Variants in TTLL9 observed in about 807,000 individuals in gnomAD.
TTLL9 encodes the protein probable tubulin polyglutamylase TTLL9.
TTLL9 carries 47 observed loss-of-function variants against 65.6 expected under a neutral mutation model. That is an observed-to-expected ratio of 0.72 (90% CI 0.57 to 0.91). The LOEUF (loss-of-function observed/expected upper bound fraction) is 0.91. TTLL9 is among the 40% of genes least tolerant of loss of function. The probability of loss-of-function intolerance (pLI) is 0.00; values close to 1 mark genes in which losing one functional copy is unlikely to be tolerated. For missense variants in TTLL9, 537 were observed against 568.8 expected (o/e 0.94, Z 0.57); for synonymous variants, 179 against 204.8 (o/e 0.87, Z 1.07).
intron 2 of TTLL9, among the ~76,000 whole-genome samples, chr20:31,885,423 A>G (rs1319780634): frequency 6.6e-6 from 1 of 152,230 alleles, no homozygotes; most frequent in Non-Finnish European, 1.5e-5. Flanking sequence ...TGCCAATGCA[A>G]TTCAATGAGG....
At chr20:31,885,596 G>T (rs1180518337) in intron 2 of TTLL9, among the ~76,000 whole-genome samples, 1 of 152,170 alleles carries the variant, frequency 6.6e-6, no homozygotes, top group African/African-American at 2.4e-5. Context: ...AATGAAACAA[G>T]ATTTCACTGT....
chr20:31,886,234 A>C (rs2063185652), intron 2 of TTLL9, among the ~76,000 whole-genome samples: 1 of 152,180 alleles, frequency 6.6e-6, no homozygotes, highest in Non-Finnish European at 1.5e-5. Context: ...TTTTGTGGTA[A>C]TTTGTTACCC....
intron 14 of TTLL9, chr20:31,940,907 G>C (rs2064193807): frequency 6.6e-6 from 1 of 152,148 alleles, no homozygotes; most frequent in African/African-American, 2.4e-5. Flanking sequence ...GTGTAGCCCA[G>C]TCACTGGGTA....
intron 9 of TTLL9, among the ~76,000 whole-genome samples, 176 bp downstream of exon 9, chr20:31,925,225 G>A (rs1268766953): frequency 1.3e-5 from 2 of 152,194 alleles, no homozygotes; most frequent in Admixed American, 1.3e-4. Context: ...CTTATCTGAG[G>A]TTTACCATCT....
chr20:31,873,684 G>GAGAAAGAAAGAAAGAAAGAA (rs143514524), intron 2 of TTLL9, among the ~76,000 whole-genome samples: 1 of 100,584 alleles, frequency 9.9e-6, no homozygotes, highest in East Asian at 2.7e-4. Context: ...AAGAGAGAGA[G>GAGAAAGAAAGAAAGAAAGAA]AGAAAGAAAG....
At position 31,895,491 on chromosome 20, in the gene TTLL9, T is replaced by C. The variant is rs1054971072; in HGVS notation, c.114-2982T>C. ...TTCTTATTATCTGGCAAATCATGCATGAGACTCCTCCCTTCATGACCTTTC... is the reference window on the plus strand; with the variant it reads ...TTCTTATTATCTGGCAAATCATGCACGAGACTCCTCCCTTCATGACCTTTC... On this transcript the variant is annotated intron_variant, in intron 3 of 14. Transcript: ENST00000535842. Among the ~76,000 whole-genome samples, 8 of 152,344 alleles carry C rather than the reference T, an allele frequency of 5.3e-5. No homozygotes were observed. In the South Asian group the frequency reaches 6.2e-4, roughly 12 times the overall value.
At chr20:31,922,221 T>A (rs2123564844) in intron 7 of TTLL9, among the ~76,000 whole-genome samples, 1 of 151,092 alleles carries the variant, frequency 6.6e-6, no homozygotes, top group African/African-American at 2.4e-5. Context: ...GCCAAGATGA[T>A]GCCACTGCAC....
chr20:31,897,031 C>T (rs977365980), intron 3 of TTLL9, among the ~76,000 whole-genome samples: 4 of 152,164 alleles, frequency 2.6e-5, no homozygotes, highest in Non-Finnish European at 5.9e-5. Flanking sequence ...CAGGTTAATA[C>T]TAGCTTGGCA....
At chr20:31,879,729 G>A in intron 2 of TTLL9, 5 of 1,304,358 alleles carry the variant, frequency 3.8e-6, no homozygotes, top group Non-Finnish European at 5.2e-6. Flanking sequence ...AGGTTCTGGT[G>A]GACCAGAGCC....
chr20:31,882,582 G>A (rs2063133570), intron 2 of TTLL9, among the ~76,000 whole-genome samples: 1 of 151,916 alleles, frequency 6.6e-6, no homozygotes, highest in South Asian at 2.1e-4. Context: ...GCCCATACAA[G>A]CAACTAAGCC....
intron 2 of TTLL9, among the ~76,000 whole-genome samples, chr20:31,876,978 TTGGCTTAC>T (rs1387556136): frequency 6.6e-6 from 1 of 152,264 alleles, no homozygotes; most frequent in African/African-American, 2.4e-5. Flanking sequence ...CATTTCTCAA[TTGGCTTAC>T]TGGCCATTTG....
intron 2 of TTLL9, among the ~76,000 whole-genome samples, chr20:31,872,660 A>G (rs1026776308): frequency 6.6e-6 from 1 of 152,152 alleles, no homozygotes; most frequent in Non-Finnish European, 1.5e-5. Flanking sequence ...CACTGCACTC[A>G]AGCCTGGGTG....
At chr20:31,886,612 G>A (rs1747123936) in intron 2 of TTLL9, among the ~76,000 whole-genome samples, 1 of 152,178 alleles carries the variant, frequency 6.6e-6, no homozygotes, top group South Asian at 2.1e-4. Flanking sequence ...CTGAGGTCAG[G>A]AGTTCCAGAC....
chr20:31,882,337 G>A (rs903289265), intron 2 of TTLL9, among the ~76,000 whole-genome samples: 1 of 152,170 alleles, frequency 6.6e-6, no homozygotes, highest in Non-Finnish European at 1.5e-5. Context: ...TCTCTGGTTA[G>A]ATAATCAAAG....
intron 5 of TTLL9, among the ~76,000 whole-genome samples, chr20:31,909,320 T>A (rs1301488982): frequency 6.6e-6 from 1 of 151,764 alleles, no homozygotes; most frequent in Non-Finnish European, 1.5e-5. Context: ...ATTTTTGTAT[T>A]TTTGTTAGAG....
chr20:31,909,784 G>A lies in TTLL9; in HGVS notation c.366G>A (p.Lys122=), dbSNP rs1275247977. 2 of 1,614,102 alleles carry A rather than the reference G, an allele frequency of 1.2e-6. No individual in the cohort carries two copies. Among genetic ancestry groups the A allele is most frequent in the Non-Finnish European group, 1.7e-6 (2 of 1,180,058 alleles). ...YMVKNLKRFR[K]QLEREAGKLE... ...TGAAGAACCTGAAGCGGTTCCGGAA[G>A]CAGCTGGAGCGTGAGGCAGGAAAGC... Residue 122 remains lysine, a synonymous_variant, in exon 6 of 15, where the codon AAG becomes AAA. Coordinates refer to ENST00000535842, the MANE Select transcript of TTLL9 (RefSeq NM_001008409.5).
chr20:31,919,886 G>T lies in TTLL9; in HGVS notation c.527G>T (p.Gly176Val). ...CAGGTAGCCCGGTCTCAAGGGAAAG[G>T]CATCTTCCTCTTCCGTAGGCTGAAG... is the stretch of plus-strand genomic sequence containing the variant. ...MKPVARSQGKGIFLFRRLKDI... is the reference protein window; with the variant it reads ...MKPVARSQGKVIFLFRRLKDI... Residue 176 changes from glycine to valine, a missense_variant, in exon 7 of 15, where the codon GGC (glycine) becomes GTC (valine). Around this residue, in one of 3 missense-constraint regions of TTLL9, gnomAD observed 320 missense variants for 311.0 expected, o/e 1.03. Transcript: ENST00000535842. The T allele has an allele frequency of 6.3e-7, 1 of 1,593,148 alleles. No individual in the cohort carries two copies. Among genetic ancestry groups the T allele is most frequent in the Admixed American group, 1.7e-5 (1 of 57,176 alleles).
intron 3 of TTLL9, among the ~76,000 whole-genome samples, chr20:31,887,977 C>T (rs558165701): frequency 1.5e-4 from 23 of 151,382 alleles, no homozygotes; most frequent in Non-Finnish European, 2.7e-4. Flanking sequence ...CTCTGCCTCT[C>T]GGGTTCAAGT....
At chr20:31,872,789 C>T (rs2062956456) in intron 2 of TTLL9, among the ~76,000 whole-genome samples, 1 of 152,190 alleles carries the variant, frequency 6.6e-6, no homozygotes. Context: ...ATGGGAATAG[C>T]TTGGCCTCTG....
Sources: gnomAD v4.1 joint callset for allele counts (sites outside exome capture counted in the v4.1 genomes callset) on GRCh38, gnomAD v4.1.1 for gene constraint, gnomAD v4.1.1 regional missense constraint, MANE v1.5 for transcripts, NCBI Gene and HGNC (gene_info 2026-07-23, HGNC 2026-07-21) for gene names.